Variants in ZNF93 observed in about 807,000 individuals in gnomAD.
ZNF93 encodes zinc finger protein 505.
ZNF93 carries 29 observed loss-of-function variants against 45.0 expected under a neutral mutation model. The ratio of observed to expected loss-of-function variants is 0.64; its 90% CI spans 0.48 to 0.88. The LOEUF is 0.88. Among genes scored for constraint, ZNF93 ranks in the 40% least tolerant of loss-of-function variants. The pLI is 0.00. For missense variants in ZNF93, 578 were observed against 724.0 expected, an observed-to-expected ratio of 0.80 and a Z score of 2.31; for synonymous variants, 223 against 244.6, an observed-to-expected ratio of 0.91 and a Z score of 0.82.
At chr19:19,925,217 A>G (rs1028319424) in intron 3 of ZNF93, among the ~76,000 whole-genome samples, 1 of 152,182 alleles carries the variant, frequency 6.6e-6, no homozygotes, top group Non-Finnish European at 1.5e-5. Context: ...TGAATAGAAC[A>G]CGTCCAATCT....
chr19:19,919,900 T>G (rs370069119), intron 3 of ZNF93, among the ~76,000 whole-genome samples: 7 of 152,132 alleles, frequency 4.6e-5, no homozygotes, highest in Non-Finnish European at 8.8e-5. Context: ...CTGCAAACAG[T>G]GACAATTTGA....
chr19:19,916,746 A>C, intron 3 of ZNF93, 91 bp downstream of exon 3: 1 of 937,600 alleles, frequency 1.1e-6, no homozygotes, highest in Non-Finnish European at 1.6e-6. Flanking sequence ...TGATTCGGGA[A>C]GCTGTGTTCC....
intron 3 of ZNF93, among the ~76,000 whole-genome samples, chr19:19,928,602 G>A (rs1474390707): frequency 6.6e-6 from 1 of 152,142 alleles, no homozygotes; most frequent in Non-Finnish European, 1.5e-5. Flanking sequence ...TTAGCTTATT[G>A]TAGCCTCAAC....
rs768319731 is a variant in ZNF93, at chr19:19,933,421, A to G, written c.466A>G (p.Lys156Glu). The change falls in exon 4 of 4, where the codon AAA (lysine) becomes GAA (glutamate). Residue 156 changes from lysine (K) to glutamate (E), a missense_variant. Physicochemically the swap from Lys to Glu is moderately conservative, Grantham distance 56 (BLOSUM62 1). Transcript: ENST00000343769. The part of the protein sequence containing the change: ...QCDKYGKVFH[K>E]FSNSNRHNIR... ...TGATAAATATGGGAAAGTCTTTCAT[A>G]AATTTTCAAATTCAAATAGACATAA... 2 of 1,595,734 alleles carry G rather than the reference A, an allele frequency of 1.3e-6. No individual in the cohort carries two copies. Among genetic ancestry groups the G allele is most frequent in the Non-Finnish European group, 1.7e-6 (2 of 1,174,388 alleles).
chr19:19,909,548 C>T (rs1465583607), intron 1 of ZNF93: 1 of 152,190 alleles, frequency 6.6e-6, no homozygotes, highest in African/African-American at 2.4e-5. Flanking sequence ...GCTGAAAATT[C>T]TTCTACTTGT....
intron 3 of ZNF93, among the ~76,000 whole-genome samples, chr19:19,931,163 A>G (rs11878429): frequency 0.079 from 11,752 of 148,808 alleles, 974 homozygotes; most frequent in African/African-American, 0.21. Context: ...ATATATATTT[A>G]TATTTGTATT....
chr19:19,910,614 C>T (rs1315535791), intron 1 of ZNF93, among the ~76,000 whole-genome samples: 4 of 151,348 alleles, frequency 2.6e-5, no homozygotes, highest in African/African-American at 9.7e-5. Flanking sequence ...AAGCTTGACC[C>T]AAGTAAACTA....
chr19:19,933,819 A>G lies in ZNF93; in HGVS notation c.864A>G (p.Glu288=), dbSNP rs538058147. 1 of 1,613,518 alleles carries G rather than the reference A, an allele frequency of 6.2e-7. No homozygotes were observed. Among genetic ancestry groups the G allele is most frequent in the East Asian group, 2.2e-5 (1 of 44,846 alleles). The change falls in exon 4 of 4, where the codon GAA becomes GAG. Residue 288 remains glutamate, a synonymous_variant. Coordinates refer to ENST00000343769, the MANE Select transcript of ZNF93 (RefSeq NM_031218.4). ...IHTGEKPYKC[E]ECGKAFNQSS... ...CTGGAGAGAAACCCTACAAATGTGA[A>G]GAATGTGGCAAAGCTTTTAACCAAT...
intron 3 of ZNF93, among the ~76,000 whole-genome samples, chr19:19,926,502 G>A (rs76278508): frequency 8.1e-5 from 11 of 136,254 alleles, no homozygotes; most frequent in Non-Finnish European, 1.1e-4. Context: ...TTTTTTTTCC[G>A]AGACAGAGTC....
At chr19:19,915,495 T>C in intron 2 of ZNF93, 89 bp downstream of exon 2, 1 of 1,491,946 alleles carries the variant, frequency 6.7e-7, no homozygotes. Context: ...ATTTATTCTT[T>C]GCATAAAGGA....
chr19:19,901,637 C>T (rs2063271838), intron 1 of ZNF93, among the ~76,000 whole-genome samples: 1 of 151,950 alleles, frequency 6.6e-6, no homozygotes, highest in Admixed American at 6.6e-5. Context: ...GTAAATCAAC[C>T]CTACCCCTTC....
chr19:19,930,677 A>C (rs1311793026), intron 3 of ZNF93, among the ~76,000 whole-genome samples: 1 of 152,120 alleles, frequency 6.6e-6, no homozygotes, highest in Non-Finnish European at 1.5e-5. Flanking sequence ...ATGTCCCCTC[A>C]GCTCCTATCT....
chr19:19,911,008 G>A (rs1341197950), intron 1 of ZNF93, among the ~76,000 whole-genome samples: 6 of 152,334 alleles, frequency 3.9e-5, no homozygotes, highest in Admixed American at 2.6e-4. Flanking sequence ...GACTCAGATG[G>A]CAGAATCTGT....
chr19:19,915,206 C>T (rs2063320106), intron 1 of ZNF93, 74 bp from the exon 2 acceptor site: 1 of 1,608,754 alleles, frequency 6.2e-7, no homozygotes, highest in Non-Finnish European at 8.5e-7. Flanking sequence ...TCTTTACTCT[C>T]TCATTTCACC....
Position 19,933,673 on chromosome 19 carries a change from G to T in ZNF93, c.718G>T (p.Ala240Ser). ...TGATAAATGTGACAAAGCCTTTATT[G>T]CATCCTCAACCCTTAGTAAACATGA... ...KCDKCDKAFI[A>S]SSTLSKHEII... The change falls in exon 4 of 4, where the codon GCA (alanine) becomes TCA (serine). Residue 240 changes from alanine to serine, a missense_variant. This residue lies in a region of ZNF93 where 446 missense variants were observed against 547.6 expected (regional missense o/e 0.81). Transcript: ENST00000343769. The T allele has an allele frequency of 6.2e-7, 1 of 1,611,442 alleles. No individual in the cohort carries two copies. Among genetic ancestry groups the T allele is most frequent in the Non-Finnish European group, 8.5e-7 (1 of 1,179,104 alleles).
intron 3 of ZNF93, among the ~76,000 whole-genome samples, chr19:19,925,651 G>GA (rs2063353793): frequency 6.6e-6 from 1 of 152,062 alleles, no homozygotes; most frequent in Admixed American, 6.6e-5. Context: ...CCATATTTAC[G>GA]AAAATAGTTA....
chr19:19,922,771 C>T (rs2063345605), intron 3 of ZNF93, among the ~76,000 whole-genome samples: 2 of 152,302 alleles, frequency 1.3e-5, no homozygotes, highest in South Asian at 4.1e-4. Context: ...GTTCTCGTGC[C>T]ATGGTTTTCA....
intron 3 of ZNF93, chr19:19,925,955 C>G (rs2063354766): frequency 6.6e-6 from 1 of 151,926 alleles, no homozygotes; most frequent in Admixed American, 6.6e-5. Flanking sequence ...TTATTAGAAT[C>G]TTCTATTTAT....
At chr19:19,911,759 T>G (rs1435553655) in intron 1 of ZNF93, among the ~76,000 whole-genome samples, 1 of 152,068 alleles carries the variant, frequency 6.6e-6, no homozygotes, top group Non-Finnish European at 1.5e-5. Flanking sequence ...TAAATTCTTT[T>G]TTTTTTTTGA....
Sources: gnomAD v4.1 joint callset for allele counts (sites outside exome capture counted in the v4.1 genomes callset) on GRCh38, gnomAD v4.1.1 for gene constraint, gnomAD v4.1.1 regional missense constraint, MANE v1.5 for transcripts, NCBI Gene and HGNC (gene_info 2026-07-23, HGNC 2026-07-21) for gene names.